Variants in FAM13A observed in about 807,000 individuals in gnomAD.
FAM13A encodes the protein protein FAM13A.
In FAM13A, 76 loss-of-function variants were observed where a neutral mutation model predicts 129.6. The observed-to-expected ratio is 0.59, with a 90% CI of 0.49 to 0.71. The LOEUF (loss-of-function observed/expected upper bound fraction) is 0.71, where lower values mean the gene tolerates loss of function less well. Among genes scored for constraint, FAM13A ranks in the 30% least tolerant of loss-of-function variants. FAM13A has a pLI of 0.00. For synonymous variants in FAM13A, 443 were observed against 449.9 expected (o/e 0.98, Z 0.20); for missense variants, 1,108 against 1,249.3 (o/e 0.89, Z 1.70).
chr4:89,024,157 G>A lies in FAM13A; in HGVS notation c.218-3488C>T, dbSNP rs1767631692. On this transcript the variant is annotated intron_variant, in intron 2 of 23. Transcript: ENST00000264344. ...CAAAATAGTATGAATATTAAAAACAGAATATGCCATTAGAAACAGAATATG... is the reference window on the plus strand; with the variant it reads ...CAAAATAGTATGAATATTAAAAACAAAATATGCCATTAGAAACAGAATATG... Among the ~76,000 whole-genome samples the A allele has an allele frequency of 5.3e-5, 8 of 152,110 alleles. 1 individual carries two copies. The South Asian group carries it at 1.7e-3, about 32-fold the overall frequency.
intron 5 of FAM13A, among the ~76,000 whole-genome samples, chr4:88,913,047 G>A (rs1162568875): frequency 6.6e-6 from 1 of 151,444 alleles, no homozygotes; most frequent in Non-Finnish European, 1.5e-5. Flanking sequence ...AGAAGTAGTA[G>A]AAGTAGTAGT....
At chr4:89,025,245 G>GTGTTTT (rs1767780911) in intron 2 of FAM13A, among the ~76,000 whole-genome samples, 5 of 61,362 alleles carry the variant, frequency 8.1e-5, no homozygotes, top group Non-Finnish European at 1.3e-4. Flanking sequence ...TGGAATCATT[G>GTGTTTT]TTTTTTTTTT....
intron 1 of FAM13A, chr4:89,029,951 T>C (rs111906659): frequency 3.0e-5 from 8 of 267,908 alleles, no homozygotes; most frequent in African/African-American, 1.3e-4. Flanking sequence ...GACCCAGCAC[T>C]ACCTGGTTAA....
chr4:88,891,584 T>C (rs1745326423), intron 6 of FAM13A, among the ~76,000 whole-genome samples: 3 of 152,138 alleles, frequency 2.0e-5, no homozygotes. Flanking sequence ...CCATAAGATA[T>C]TTAAAAATAT....
intron 7 of FAM13A, among the ~76,000 whole-genome samples, chr4:88,838,686 C>T (rs1382270494): frequency 1.3e-5 from 2 of 151,522 alleles, no homozygotes; most frequent in African/African-American, 4.9e-5. Context: ...GAGATTGTGC[C>T]GCTGCACTCC....
At chr4:88,733,118 A>G (rs1367296953) in intron 21 of FAM13A, among the ~76,000 whole-genome samples, 1 of 152,228 alleles carries the variant, frequency 6.6e-6, no homozygotes, top group Admixed American at 6.5e-5. Context: ...ATTACAGGTA[A>G]ACCAAATGGT....
In FAM13A at chr4:88,973,182, T is replaced by C. The variant is rs193114445; in HGVS notation, c.605+17791A>G. Reference sequence around the variant, plus strand: ...TCTTGCTTGGTATTCTCTGAGCTTATTGGATCTCTGGTTTAGTGAATGGAA... The same window carrying C: ...TCTTGCTTGGTATTCTCTGAGCTTACTGGATCTCTGGTTTAGTGAATGGAA... On this transcript the variant is annotated intron_variant, in intron 4 of 23. Coordinates refer to ENST00000264344, the MANE Select transcript of FAM13A (RefSeq NM_014883.4). Among the ~76,000 whole-genome samples, 23 of 152,018 alleles carry C rather than the reference T, an allele frequency of 1.5e-4. No homozygotes were observed. The East Asian group carries it at 4.3e-3, about 28-fold the overall frequency.
At chr4:88,819,671 T>C (rs1424249982) in intron 7 of FAM13A, among the ~76,000 whole-genome samples, 1 of 152,204 alleles carries the variant, frequency 6.6e-6, no homozygotes. Flanking sequence ...TTTCAATTCT[T>C]AGTTTAATAT....
chr4:88,938,970 A>C (rs1338542080), intron 4 of FAM13A, among the ~76,000 whole-genome samples: 1 of 152,220 alleles, frequency 6.6e-6, no homozygotes, highest in Non-Finnish European at 1.5e-5. Flanking sequence ...ATGTTGCAGA[A>C]TAGTTAATAA....
chr4:88,916,317 C>T (rs979863429), intron 5 of FAM13A, among the ~76,000 whole-genome samples: 13 of 152,166 alleles, frequency 8.5e-5, no homozygotes, highest in Admixed American at 1.3e-4. Context: ...TATTATAATC[C>T]AATATAGAGT....
In FAM13A at chr4:88,781,342, G is replaced by C. The variant is rs774169919; in HGVS notation, c.1281C>G (p.Ile427Met). 1.3e-6 allele frequency: 2 copies of C among 1,598,178 alleles called. No individual in the cohort carries two copies. Among genetic ancestry groups the C allele is most frequent in the South Asian group, 2.3e-5 (2 of 88,164 alleles). ...ACCCAGAAGGAGTATTTTCTTTGTT[G>C]ATAAGTCCCCTTGAATTGAGAAAAA... ...EVRHGRDKGL[I>M]NKENTPSGFN... The change falls in exon 11 of 24, where the codon ATC (isoleucine) becomes ATG (methionine). Residue 427 changes from isoleucine (I) to methionine (M), a missense_variant. Physicochemically the swap from Ile to Met is conservative, Grantham distance 10. This residue lies in a region of FAM13A where 566 missense variants were observed against 595.7 expected (regional missense o/e 0.95). Transcript: ENST00000264344.
In FAM13A at chr4:88,922,843, C is replaced by T. The variant is rs544302904; in HGVS notation, c.759+15245G>A. On this transcript the variant is annotated intron_variant, in intron 5 of 23. Transcript: ENST00000264344. ...AAAAAAGAGAGAAGAATCAAATAGA[C>T]GCAATAAAAAATGATAAAGGGGATA... 1.4e-3 allele frequency among the ~76,000 whole-genome samples: 208 copies of T among 152,034 alleles called. 1 individual carries two copies. The highest frequency in any genetic ancestry group is 1.4e-3 in the Non-Finnish European group (96 of 68,004).
chr4:88,950,038 A>T (rs1448252895), intron 4 of FAM13A, among the ~76,000 whole-genome samples: 1 of 152,214 alleles, frequency 6.6e-6, no homozygotes, highest in Non-Finnish European at 1.5e-5. Context: ...TTTGAAATCA[A>T]GTTACCAATC....
chr4:89,035,452 GGAAA>G (rs559203097), intron 1 of FAM13A, among the ~76,000 whole-genome samples: 2 of 147,846 alleles, frequency 1.4e-5, no homozygotes, highest in East Asian at 2.0e-4. Flanking sequence ...ACAACAAAAA[GGAAA>G]GAAAGAAAGA....
intron 4 of FAM13A, among the ~76,000 whole-genome samples, chr4:88,988,425 G>A (rs1051814417): frequency 1.3e-5 from 2 of 152,126 alleles, no homozygotes; most frequent in African/African-American, 2.4e-5. Flanking sequence ...AGTATATTAC[G>A]GTTATGTAGC....
intron 6 of FAM13A, among the ~76,000 whole-genome samples, chr4:88,851,782 G>A (rs1737603265): frequency 6.6e-6 from 1 of 152,076 alleles, no homozygotes; most frequent in African/African-American, 2.4e-5. Flanking sequence ...GGAATGCATG[G>A]GTAATATATG....
chr4:88,777,091 T>G (rs1187344495), intron 11 of FAM13A, among the ~76,000 whole-genome samples: 1 of 151,662 alleles, frequency 6.6e-6, no homozygotes, highest in Non-Finnish European at 1.5e-5. Context: ...CTCAAAGTAT[T>G]AAACTCTGCC....
intron 11 of FAM13A, among the ~76,000 whole-genome samples, chr4:88,775,478 AG>A (rs893060141): frequency 1.3e-5 from 2 of 152,076 alleles, no homozygotes; most frequent in African/African-American, 2.4e-5. Flanking sequence ...CTGAGGTGGG[AG>A]GATCATTTGA....
intron 4 of FAM13A, among the ~76,000 whole-genome samples, chr4:88,941,148 C>A (rs374410839): frequency 1.3e-5 from 2 of 152,250 alleles, no homozygotes; most frequent in Admixed American, 1.3e-4. Context: ...GATTAAAAAT[C>A]GAAATGGAGT....
Sources: gnomAD v4.1 joint callset for allele counts (sites outside exome capture counted in the v4.1 genomes callset) on GRCh38, gnomAD v4.1.1 for gene constraint, gnomAD v4.1.1 regional missense constraint, MANE v1.5 for transcripts, NCBI Gene and HGNC (gene_info 2026-07-23, HGNC 2026-07-21) for gene names.